Variants in CD4 observed in about 807,000 individuals in gnomAD.
CD4 encodes CD4 molecule.
A neutral mutation model predicts 50.5 loss-of-function variants in CD4; 25 were observed. The ratio of observed to expected loss-of-function variants is 0.49; its 90% confidence interval spans 0.36 to 0.69. The LOEUF is 0.69. CD4 is among the 30% of genes least tolerant of loss of function. The pLI is 0.00. For missense variants in CD4, 456 were observed against 548.5 expected (o/e 0.83, Z 1.68); for synonymous variants, 207 against 221.9 (o/e 0.93, Z 0.60).
chr12:6,806,949 C>T (rs187588879), intron 3 of CD4, among the ~76,000 whole-genome samples: 42 of 152,248 alleles, frequency 2.8e-4, no homozygotes, highest in Admixed American at 2.6e-3. Context: ...GGGTGGATCA[C>T]GAGGTCAGGA....
In CD4 at chr12:6,815,704, T is replaced by C. The variant is rs1555117793; in HGVS notation, c.608-352T>C. 8 of 1,318,360 alleles carry C rather than the reference T, an allele frequency of 6.1e-6. No individual in the cohort carries two copies. The Admixed American group carries it at 1.6e-4, about 26-fold the overall frequency. 81.7% of individuals were successfully genotyped at this position (1,318,360 alleles called of 1,614,324 possible). A position where few individuals can be genotyped will look rare whatever the true frequency, so the allele number is the denominator to read the frequency against. On this transcript the variant is annotated intron_variant, in intron 5 of 9. Transcript: ENST00000011653. Reference sequence around the variant, plus strand: ...GTGCCTGGCACAGAGTAAGCCCTAGTTAAGTGTTCGCTGTTATTTTGTGAA... The same window carrying C: ...GTGCCTGGCACAGAGTAAGCCCTAGCTAAGTGTTCGCTGTTATTTTGTGAA...
intron 3 of CD4, among the ~76,000 whole-genome samples, chr12:6,812,772 T>A (rs1942975469): frequency 3.9e-5 from 1 of 25,760 alleles, no homozygotes; most frequent in Non-Finnish European, 8.8e-5. Flanking sequence ...AGGTTATTTT[T>A]GTGTGTGTGT....
intron 3 of CD4, among the ~76,000 whole-genome samples, chr12:6,807,728 GA>G (rs1256290266): frequency 1.3e-5 from 2 of 152,146 alleles, no homozygotes; most frequent in East Asian, 3.8e-4. Context: ...GGGCACATAG[GA>G]TTTCTCTGTA....
At position 6,798,318 on chromosome 12, in the gene CD4, C is replaced by T. The variant is rs183612076; in HGVS notation, c.-67-1754C>T. Among the ~76,000 whole-genome samples the T allele has an allele frequency of 8.5e-3, 1,130 of 133,638 alleles. 245 individuals are homozygous for T. The highest frequency in any genetic ancestry group is 0.021 in the Middle Eastern group (5 of 242). 87.7% of individuals were successfully genotyped at this position (133,638 alleles called of 152,430 possible). A position where few individuals can be genotyped will look rare whatever the true frequency, so the allele number is the denominator to read the frequency against. ...CCGAGTAGCTGGGACTACAGGCGCC[C>T]GCCACCACGCCCGGCTAATTTTTTT... On this transcript the variant is annotated intron_variant, in intron 1 of 9. Coordinates refer to ENST00000011653, the MANE Select transcript of CD4 (RefSeq NM_000616.5).
At chr12:6,800,903 A>AT (rs1432720374) in intron 3 of CD4, among the ~76,000 whole-genome samples, 3 of 149,642 alleles carry the variant, frequency 2.0e-5, no homozygotes, top group Admixed American at 2.0e-4. Context: ...TATGAAAAAA[A>AT]ATATATATAT....
intron 3 of CD4, among the ~76,000 whole-genome samples, chr12:6,805,562 C>A (rs143359347): frequency 0.9 from 121,225 of 134,348 alleles, 54,168 homozygotes; most frequent in Non-Finnish European, 0.95. Flanking sequence ...GTCTGTCTCC[C>A]GAAAAAAAAA....
At chr12:6,815,789 T>C (rs139434635) in intron 5 of CD4, 7 of 1,441,104 alleles carry the variant, frequency 4.9e-6, no homozygotes, top group African/African-American at 1.4e-5. Flanking sequence ...CCAGGAATCC[T>C]AAGGACAGCA....
At chr12:6,790,006 G>A (rs938356016) in intron 1 of CD4, among the ~76,000 whole-genome samples, 2 of 152,116 alleles carry the variant, frequency 1.3e-5, no homozygotes, top group African/African-American at 2.4e-5. Flanking sequence ...GCAACTAGTC[G>A]TGGGCAGTTG....
chr12:6,800,397 A>G lies in CD4; in HGVS notation c.140A>G (p.Lys47Arg). The G allele has an allele frequency of 1.9e-6, 3 of 1,614,172 alleles. No individual in the cohort carries two copies. Among genetic ancestry groups the G allele is most frequent in the Non-Finnish European group, 2.5e-6 (3 of 1,179,964 alleles). ...CTGACCTGTACAGCTTCCCAGAAGA[A>G]GAGCATACAATTCCACTGGAAAAAC... ...VELTCTASQK[K>R]SIQFHWKNSN... The change falls in exon 3 of 10, where the codon AAG becomes AGG. Residue 47 changes from lysine (K) to arginine (R), a missense_variant. Physicochemically the swap from Lys to Arg is conservative, Grantham distance 26 (BLOSUM62 2). Transcript: ENST00000011653.
chr12:6,815,349 G>A (rs782214051), intron 5 of CD4, among the ~76,000 whole-genome samples: 374 of 152,194 alleles, frequency 2.5e-3, no homozygotes, highest in African/African-American at 8.2e-3. Flanking sequence ...ACTTACTCAG[G>A]GACACTAACA....
Position 6,816,363 on chromosome 12 carries a change from A to AT in CD4, c.915_916insT (p.Gly306TrpfsTer24), listed in dbSNP as rs1555117960. 6.2e-7 allele frequency: 1 copy of AT among 1,614,012 alleles called. No individual in the cohort carries two copies. Among genetic ancestry groups the AT allele is most frequent in the Non-Finnish European group, 8.5e-7 (1 of 1,179,988 alleles). ...TCACCCTGGCCCTTGAAGCGAAAACAGGAAAGTTGCATCAGGAAGTGAACC... is the reference window on the plus strand; with the variant it reads ...TCACCCTGGCCCTTGAAGCGAAAACATGGAAAGTTGCATCAGGAAGTGAACC... On this transcript the variant is annotated frameshift_variant, in exon 6 of 10. Coordinates refer to ENST00000011653, the MANE Select transcript of CD4 (RefSeq NM_000616.5). LOFTEE classifies it high-confidence loss of function. This position sits in a 1 kb window ranked among gnomAD's most constrained non-coding sequence, Gnocchi z 4.9.
chr12:6,791,602 C>T lies in CD4; in HGVS notation c.-68+1940C>T, dbSNP rs553940288. Among the ~76,000 whole-genome samples, 9 of 152,272 alleles carry T rather than the reference C, an allele frequency of 5.9e-5. No homozygotes were observed. The South Asian group carries it at 6.2e-4, about 11-fold the overall frequency. ...GTTGAATGAAATACCTGTGATGGGCCGGGCGTGGTGGCCCACACCAGTAAT... is the reference window on the plus strand; with the variant it reads ...GTTGAATGAAATACCTGTGATGGGCTGGGCGTGGTGGCCCACACCAGTAAT... On this transcript the variant is annotated intron_variant, in intron 1 of 9. Coordinates refer to ENST00000011653, the MANE Select transcript of CD4 (RefSeq NM_000616.5).
intron 3 of CD4, among the ~76,000 whole-genome samples, chr12:6,800,768 T>G (rs782053877): frequency 3.9e-5 from 6 of 152,196 alleles, no homozygotes; most frequent in Non-Finnish European, 7.3e-5. Flanking sequence ...TACAGACCTA[T>G]GTAGATAATA....
intron 9 of CD4, 112 bp downstream of exon 9, chr12:6,819,026 G>A: frequency 3.9e-6 from 3 of 763,714 alleles, no homozygotes; most frequent in Non-Finnish European, 6.5e-6. Context: ...ATGGAGAGGA[G>A]GAAGGAGTTG....
chr12:6,805,201 A>AG (rs1209599252), intron 3 of CD4, among the ~76,000 whole-genome samples: 1 of 34,916 alleles, frequency 2.9e-5, no homozygotes, highest in Non-Finnish European at 7.4e-5. Context: ...AAAAAAAAAA[A>AG]AAAAAGAAAA....
In CD4 at chr12:6,802,928, G is replaced by T. The variant is rs181919853; in HGVS notation, c.214+2457G>T. On this transcript the variant is annotated intron_variant, in intron 3 of 9. Coordinates refer to ENST00000011653, the MANE Select transcript of CD4 (RefSeq NM_000616.5). ...TTTTTATTTTTTTATTAGAGACAGG[G>T]TTCCACCATGCTAGCAGGATGGTCT... Among the ~76,000 whole-genome samples, 603 of 151,426 alleles carry T rather than the reference G, an allele frequency of 4.0e-3. 4 individuals are homozygous for T. The highest frequency in any genetic ancestry group is 0.018 in the South Asian group (87 of 4,792).
At chr12:6,793,255 C>T (rs762789106) in intron 1 of CD4, among the ~76,000 whole-genome samples, 1 of 152,164 alleles carries the variant, frequency 6.6e-6, no homozygotes, top group Non-Finnish European at 1.5e-5. Flanking sequence ...GCACATACCT[C>T]AGGACCATGG....
In CD4 at chr12:6,814,135, C is replaced by A; in HGVS notation, c.215-7C>A. On this transcript the variant is annotated splice_polypyrimidine_tract_variant and splice_region_variant and intron_variant, in intron 3 of 9. Transcript: ENST00000011653. Reference sequence around the variant, plus strand: ...TCAGTCCCCCCCCATATGTCTTCTGCTCCCAGGTCCATCCAAGCTGAATGA... The same window carrying A: ...TCAGTCCCCCCCCATATGTCTTCTGATCCCAGGTCCATCCAAGCTGAATGA... 1.2e-6 allele frequency: 2 copies of A among 1,613,080 alleles called. No homozygotes were observed. Among genetic ancestry groups the A allele is most frequent in the Non-Finnish European group, 1.7e-6 (2 of 1,179,464 alleles).
At chr12:6,812,981 CA>C (rs1942982936) in intron 3 of CD4, among the ~76,000 whole-genome samples, 4 of 151,864 alleles carry the variant, frequency 2.6e-5, no homozygotes, top group African/African-American at 7.3e-5. Flanking sequence ...GATCATAGCT[CA>C]CTGCAGCCTC....
Sources: allele counts gnomAD v4.1 joint callset (sites outside exome capture counted in the v4.1 genomes callset), GRCh38; gene constraint gnomAD v4.1.1; non-coding constraint Gnocchi (gnomAD v3.1); transcripts MANE v1.5; gene names NCBI Gene and HGNC (gene_info 2026-07-23, HGNC 2026-07-21).